Variants in ANO4 observed in about 807,000 individuals in gnomAD.
ANO4 encodes the protein anoctamin-4.
In ANO4, 69 loss-of-function variants were observed where a neutral mutation model predicts 141.9. That is an observed-to-expected ratio of 0.49 (90% CI 0.40 to 0.59). The LOEUF is 0.59. Ranked by LOEUF, ANO4 falls within the 20% of genes least tolerant of loss-of-function variation. The pLI, the probability that ANO4 is intolerant of heterozygous loss-of-function variation, is 0.00. For synonymous variants in ANO4, 350 were observed against 394.3 expected, an observed-to-expected ratio of 0.89 and a Z score of 1.33; for missense variants, 894 against 1,162.2, an observed-to-expected ratio of 0.77 and a Z score of 3.36.
intron 5 of ANO4, among the ~76,000 whole-genome samples, chr12:100,970,659 CCCTCTCCTTCCTTCCTTCCT>C (rs1396985628): frequency 1.8e-5 from 2 of 113,638 alleles, no homozygotes; most frequent in Admixed American, 9.8e-5. Context: ...CTCCCTCCCT[CCCTCTCCTTCCTTCCTTCCT>C]TCCTTCCTTC....
rs1028183167 is a variant in ANO4, at chr12:100,973,085, T to G, written c.557+1679T>G. Among the ~76,000 whole-genome samples, 3 of 152,254 alleles carry G rather than the reference T, an allele frequency of 2.0e-5. No individual in the cohort carries two copies. In the East Asian group the frequency reaches 5.8e-4, roughly 29 times the overall value. On this transcript the variant is annotated intron_variant, in intron 6 of 27. Coordinates refer to ENST00000392977, the MANE Select transcript of ANO4 (RefSeq NM_001286615.2). ...TGAACAATTATCTTCTTTTTAGATA[T>G]AGGAATTCCTGCAGGACAATTTTAG... is the stretch of plus-strand genomic sequence containing the variant.
At chr12:100,964,893 G>A (rs1378665100) in intron 5 of ANO4, among the ~76,000 whole-genome samples, 1 of 152,132 alleles carries the variant, frequency 6.6e-6, no homozygotes, top group African/African-American at 2.4e-5. Flanking sequence ...CACATCATCA[G>A]AAGTATTACA....
At chr12:100,720,757 A>G (rs956325225) in intron 1 of ANO4, among the ~76,000 whole-genome samples, 1 of 152,174 alleles carries the variant, frequency 6.6e-6, no homozygotes, top group African/African-American at 2.4e-5. Context: ...GGAGCAAGAA[A>G]GTTTTCAGAG....
chr12:101,055,297 T>A (rs1217309294), intron 14 of ANO4, among the ~76,000 whole-genome samples: 1 of 152,236 alleles, frequency 6.6e-6, no homozygotes, highest in Non-Finnish European at 1.5e-5. Flanking sequence ...AATATCAGCA[T>A]GATATGAGAA....
At chr12:100,735,165 A>G (rs2031551559) in intron 2 of ANO4, among the ~76,000 whole-genome samples, 1 of 152,152 alleles carries the variant, frequency 6.6e-6, no homozygotes, top group Non-Finnish European at 1.5e-5. Context: ...CCATGAATGT[A>G]CCTCGGCATA....
chr12:100,798,708 C>T (rs1364911468), intron 1 of ANO4, among the ~76,000 whole-genome samples: 1 of 152,104 alleles, frequency 6.6e-6, no homozygotes, highest in African/African-American at 2.4e-5. Flanking sequence ...ATCACAGCCC[C>T]AAAATAATGC....
intron 15 of ANO4, among the ~76,000 whole-genome samples, chr12:101,081,242 A>G (rs1311327551): frequency 6.6e-6 from 1 of 151,870 alleles, no homozygotes; most frequent in African/African-American, 2.4e-5. Context: ...AATTTACTTC[A>G]CCTTTGGACT....
intron 3 of ANO4, among the ~76,000 whole-genome samples, chr12:100,933,450 C>T (rs2042162482): frequency 6.6e-6 from 1 of 152,162 alleles, no homozygotes; most frequent in African/African-American, 2.4e-5. Flanking sequence ...GACGTGAACT[C>T]ATCCTTTTTT....
intron 1 of ANO4, among the ~76,000 whole-genome samples, chr12:100,728,620 A>G (rs2031241937): frequency 6.6e-6 from 1 of 152,188 alleles, no homozygotes; most frequent in South Asian, 2.1e-4. Context: ...TTATACCTTA[A>G]AAGAGTTGTT....
intron 3 of ANO4, among the ~76,000 whole-genome samples, chr12:100,756,064 C>A (rs1021817807): frequency 2.0e-5 from 3 of 152,048 alleles, no homozygotes; most frequent in African/African-American, 7.2e-5. Flanking sequence ...ATTATTTTTT[C>A]AAGTGTCAGA....
chr12:101,057,334 T>A lies in ANO4; in HGVS notation c.1312+8933T>A, dbSNP rs539274779. ...AAATATACGTGTGCATGTGTCTTTA[T>A]AGTAGAATGATTTATAATCCTTTGG... is the stretch of plus-strand genomic sequence containing the variant. On this transcript the variant is annotated intron_variant, in intron 14 of 27. Coordinates refer to ENST00000392977, the MANE Select transcript of ANO4 (RefSeq NM_001286615.2). Among the ~76,000 whole-genome samples the A allele has an allele frequency of 6.2e-4, 94 of 152,346 alleles. 1 individual carries two copies. The South Asian group carries it at 0.019, about 31-fold the overall frequency.
intron 1 of ANO4, among the ~76,000 whole-genome samples, chr12:100,899,826 T>C (rs1475295199): frequency 6.6e-6 from 1 of 152,212 alleles, no homozygotes; most frequent in Non-Finnish European, 1.5e-5. Context: ...ATTTTTTTAA[T>C]GTTCAATATC....
At chr12:100,899,911 C>A (rs12322841) in intron 1 of ANO4, among the ~76,000 whole-genome samples, 6,487 of 152,140 alleles carry the variant, frequency 0.043, 459 homozygotes, top group African/African-American at 0.15. Context: ...AAACCTGAGA[C>A]TCAGAGGCTA....
At chr12:101,042,720 G>A (rs2136629540) in intron 12 of ANO4, among the ~76,000 whole-genome samples, 1 of 152,300 alleles carries the variant, frequency 6.6e-6, no homozygotes, top group South Asian at 2.1e-4. Flanking sequence ...CACAGAACAA[G>A]CCGCCTTCAT....
intron 1 of ANO4, among the ~76,000 whole-genome samples, chr12:100,815,587 G>A (rs1258134496): frequency 1.3e-5 from 2 of 151,942 alleles, no homozygotes. Flanking sequence ...ATTTGTACAA[G>A]CCTGTTTTCA....
intron 14 of ANO4, among the ~76,000 whole-genome samples, chr12:101,064,404 GTTT>G (rs2136753514): frequency 6.6e-6 from 1 of 152,156 alleles, no homozygotes; most frequent in South Asian, 2.1e-4. Flanking sequence ...ACTGAGAAAT[GTTT>G]TATGACCCAC....
At chr12:100,926,970 G>A (rs2041901174) in intron 3 of ANO4, among the ~76,000 whole-genome samples, 1 of 152,110 alleles carries the variant, frequency 6.6e-6, no homozygotes, top group Non-Finnish European at 1.5e-5. Context: ...GAACTTAGGA[G>A]TCTCTGGGAA....
chr12:100,759,373 G>A (rs907397709), intron 3 of ANO4, among the ~76,000 whole-genome samples: 7 of 152,204 alleles, frequency 4.6e-5, no homozygotes, highest in East Asian at 1.9e-4. Context: ...TCTTATCTTC[G>A]TGGCTGAGAC....
chr12:100,760,248 C>T (rs906360842), intron 3 of ANO4, among the ~76,000 whole-genome samples: 1 of 152,204 alleles, frequency 6.6e-6, no homozygotes, highest in African/African-American at 2.4e-5. Context: ...TGAATACCTA[C>T]TATGTATTGC....
Sources: gnomAD v4.1 joint callset for allele counts (sites outside exome capture counted in the v4.1 genomes callset) on GRCh38, gnomAD v4.1.1 for gene constraint, MANE v1.5 for transcripts, NCBI Gene and HGNC (gene_info 2026-07-23, HGNC 2026-07-21) for gene names.